Variants in HSPH1 observed in about 807,000 individuals in gnomAD.
HSPH1 encodes the protein heat shock protein 105 kDa.
In HSPH1, 40 loss-of-function variants were observed where a neutral mutation model predicts 100.0. The ratio of observed to expected loss-of-function variants is 0.40; its 90% CI spans 0.31 to 0.52. The LOEUF is 0.52. HSPH1 is among the 20% of genes least tolerant of loss of function. The pLI, the probability that HSPH1 is intolerant of heterozygous loss-of-function variation, is 0.54. For missense variants in HSPH1, 876 were observed against 1,015.1 expected, an observed-to-expected ratio of 0.86 and a Z score of 1.86; for synonymous variants, 403 against 344.0, an observed-to-expected ratio of 1.17 and a Z score of -1.90.
chr13:31,146,456 G>A (rs944649824), intron 10 of HSPH1, among the ~76,000 whole-genome samples: 5 of 152,120 alleles, frequency 3.3e-5, no homozygotes, highest in African/African-American at 1.2e-4. Context: ...GCACAAACTG[G>A]ACATGAAAAT....
At chr13:31,161,056 G>A (rs1288065640) in intron 1 of HSPH1, among the ~76,000 whole-genome samples, 4 of 152,226 alleles carry the variant, frequency 2.6e-5, no homozygotes, top group East Asian at 3.9e-4. Context: ...AGGACAAGCT[G>A]GAGGCGGCTC....
intron 3 of HSPH1, among the ~76,000 whole-genome samples, chr13:31,155,273 A>C (rs1166400349): frequency 6.6e-6 from 1 of 152,202 alleles, no homozygotes; most frequent in Non-Finnish European, 1.5e-5. Context: ...AATAAACCTA[A>C]ATTTTACAAT....
At chr13:31,152,819 A>G (rs887404761) in intron 5 of HSPH1, 33 bp downstream of exon 5, 2 of 1,333,472 alleles carry the variant, frequency 1.5e-6, no homozygotes, top group Admixed American at 3.4e-5. Flanking sequence ...TTCTGATAGT[A>G]TATTCACTTC....
At chr13:31,158,163 A>T (rs1191096833) in intron 2 of HSPH1, among the ~76,000 whole-genome samples, 2 of 152,252 alleles carry the variant, frequency 1.3e-5, no homozygotes, top group African/African-American at 4.8e-5. Flanking sequence ...GAATCTCTTA[A>T]ATGAGTATCA....
At chr13:31,156,696 A>G (rs1566015685) in intron 2 of HSPH1, among the ~76,000 whole-genome samples, 3 of 152,364 alleles carry the variant, frequency 2.0e-5, no homozygotes, top group South Asian at 2.1e-4. Flanking sequence ...AGTTATCTAC[A>G]CCAAAAAGTA....
chr13:31,146,258 C>T (rs1956262717), intron 10 of HSPH1, among the ~76,000 whole-genome samples: 1 of 152,122 alleles, frequency 6.6e-6, no homozygotes, highest in Non-Finnish European at 1.5e-5. Flanking sequence ...AAATTGAAGT[C>T]CTCTAATATA....
In HSPH1 at chr13:31,160,849, C is replaced by T. The variant is rs997692578; in HGVS notation, c.107+627G>A. Among the ~76,000 whole-genome samples, 7 of 152,290 alleles carry T rather than the reference C, an allele frequency of 4.6e-5. No individual in the cohort carries two copies. The South Asian group carries it at 1.4e-3, about 32-fold the overall frequency. ...GCATTAAGGCCAACAATGTTAGCAA[C>T]GAAGAGACTGGGTAAAAAGAGGTGG... On this transcript the variant is annotated intron_variant, in intron 1 of 17. Coordinates refer to ENST00000320027, the MANE Select transcript of HSPH1 (RefSeq NM_006644.4).
intron 2 of HSPH1, among the ~76,000 whole-genome samples, chr13:31,156,290 T>C (rs1956689075): frequency 6.6e-6 from 1 of 152,004 alleles, no homozygotes; most frequent in Non-Finnish European, 1.5e-5. Context: ...CTCGGGAGGC[T>C]GAGGCAGGAG....
Position 31,154,743 on chromosome 13 carries a change from C to T in HSPH1, c.319G>A (p.Gly107Ser), listed in dbSNP as rs1386919352. 3 of 1,613,400 alleles carry T rather than the reference C, an allele frequency of 1.9e-6. No individual in the cohort carries two copies. The highest frequency in any genetic ancestry group is 1.7e-5 in the Admixed American group (1 of 60,020). Residue 107 changes from glycine to serine, a missense_variant, in exon 4 of 18, where the codon GGT becomes AGT. Gly to Ser is a moderately conservative substitution (Grantham distance 56). Coordinates refer to ENST00000320027, the MANE Select transcript of HSPH1 (RefSeq NM_006644.4). ...GGVGIKVMYMGEEHLFSVEQI... is the reference protein window; with the variant it reads ...GGVGIKVMYMSEEHLFSVEQI... Reference sequence around the variant, plus strand: ...TCCACACTAAATAGATGTTCTTCACCCATGTACATTACCTATATTGAAGGG... The same window carrying T: ...TCCACACTAAATAGATGTTCTTCACTCATGTACATTACCTATATTGAAGGG...
Position 31,151,675 on chromosome 13 carries a change from A to C in HSPH1, c.597T>G (p.Val199=), listed in dbSNP as rs200856999. 114 of 1,613,032 alleles carry C rather than the reference A, an allele frequency of 7.1e-5. No homozygotes were observed. Among genetic ancestry groups the C allele is most frequent in the Non-Finnish European group, 9.2e-5 (108 of 1,179,492 alleles). Residue 199 remains valine (V), a synonymous_variant, in exon 6 of 18, where the codon GTT becomes GTG. Coordinates refer to ENST00000320027, the MANE Select transcript of HSPH1 (RefSeq NM_006644.4). ...PSLDEKPRIV[V]FVDMGHSAFQ... ...AAGCTGAATGTCCCATATCAACAAA[A>C]ACCACTATCCGAGGTTTCTCATCCA... is the stretch of plus-strand genomic sequence containing the variant.
In HSPH1 at chr13:31,161,844, G is replaced by T; in HGVS notation, c.-262C>A. 6.8e-7 allele frequency: 1 copy of T among 1,479,082 alleles called. No homozygotes were observed. Among genetic ancestry groups the T allele is most frequent in the Non-Finnish European group, 9.0e-7 (1 of 1,117,062 alleles). The allele number at this position is 1,479,082 out of a possible 1,614,324, so 91.6% of individuals were successfully genotyped here. A position where few individuals can be genotyped will look rare whatever the true frequency, so the allele number is the denominator to read the frequency against. On this transcript the variant is annotated 5_prime_UTR_variant, in exon 1 of 18. Transcript: ENST00000320027. ...GCCTCCGCAGGTCGCTCCGCACCTC[G>T]GGTTGCCTGCCTCACTCTGCCGCGG...
At chr13:31,157,125 C>T (rs1231862364) in intron 2 of HSPH1, among the ~76,000 whole-genome samples, 1 of 152,154 alleles carries the variant, frequency 6.6e-6, no homozygotes, top group Non-Finnish European at 1.5e-5. Context: ...ATATAGAATT[C>T]AAGCAAGTTT....
chr13:31,152,324 T>G (rs1288955125), intron 5 of HSPH1: 3 of 152,448 alleles, frequency 2.0e-5, no homozygotes, highest in Non-Finnish European at 4.4e-5. Context: ...CCTTAACTGA[T>G]TTTTTGTTCA....
rs1956363405 is a variant in HSPH1 at position 31,148,611 on chromosome 13, T to C, written c.1138-131A>G. 4 of 483,924 alleles carry C rather than the reference T, an allele frequency of 8.3e-6. No individual in the cohort carries two copies. In the South Asian group the frequency reaches 1.2e-4, roughly 14 times the overall value. 30.0% of individuals were successfully genotyped at this position (483,924 alleles called of 1,614,324 possible). On this transcript the variant is annotated intron_variant, in intron 8 of 17. Coordinates refer to ENST00000320027, the MANE Select transcript of HSPH1 (RefSeq NM_006644.4). ...AAAAACAACTCACATTCCAGAATTG[T>C]TTCCAGTATATTTCATCTAAACAAA...
At chr13:31,161,402 C>A in intron 1 of HSPH1, 74 bp downstream of exon 1, 1 of 1,570,202 alleles carries the variant, frequency 6.4e-7, no homozygotes, top group South Asian at 1.2e-5. Context: ...TCCGTACAGC[C>A]AGCCCGCGAT....
chr13:31,154,902 G>A (rs1401619216), intron 3 of HSPH1, 147 bp from the exon 4 acceptor site: 5 of 642,262 alleles, frequency 7.8e-6, no homozygotes, highest in East Asian at 2.9e-5. Flanking sequence ...AGAAAAGGAG[G>A]AAAAAGGGAA....
intron 2 of HSPH1, 63 bp downstream of exon 2, chr13:31,158,743 T>G: frequency 6.7e-6 from 7 of 1,037,062 alleles, no homozygotes; most frequent in African/African-American, 3.2e-5. Context: ...ATATGTCTCT[T>G]GAGATTTTCC....
intron 8 of HSPH1, among the ~76,000 whole-genome samples, chr13:31,149,194 T>C (rs1956386417): frequency 6.6e-6 from 1 of 152,012 alleles, no homozygotes; most frequent in South Asian, 2.1e-4. Context: ...AAAAACCCCA[T>C]AGAACAGGAT....
At chr13:31,144,338 C>T (rs1302723077) in intron 11 of HSPH1, among the ~76,000 whole-genome samples, 2 of 152,110 alleles carry the variant, frequency 1.3e-5, no homozygotes, top group African/African-American at 4.8e-5. Flanking sequence ...CAACATATCT[C>T]CATTTCAATT....
Sources: allele counts gnomAD v4.1 joint callset (sites outside exome capture counted in the v4.1 genomes callset), GRCh38; gene constraint gnomAD v4.1.1; transcripts MANE v1.5; gene names NCBI Gene and HGNC (gene_info 2026-07-23, HGNC 2026-07-21).